Variants in ENTPD1 observed in about 807,000 individuals in gnomAD.
ENTPD1 encodes ATP diphosphohydrolase.
A neutral mutation model predicts 57.0 loss-of-function variants in ENTPD1; 33 were observed. That is an observed-to-expected ratio of 0.58 (90% CI 0.44 to 0.77). The LOEUF is 0.77. Among genes scored for constraint, ENTPD1 ranks in the 30% least tolerant of loss-of-function variants. The pLI is 0.00. For missense variants in ENTPD1, 501 were observed against 603.4 expected, an observed-to-expected ratio of 0.83 and a Z score of 1.78; for synonymous variants, 202 against 218.8, an observed-to-expected ratio of 0.92 and a Z score of 0.68.
At chr10:95,803,189 G>C (rs944313185) in intron 1 of ENTPD1, among the ~76,000 whole-genome samples, 1 of 152,162 alleles carries the variant, frequency 6.6e-6, no homozygotes, top group Non-Finnish European at 1.5e-5. Flanking sequence ...CTGTCCATGA[G>C]CATGGAATGT....
intron 3 of ENTPD1, among the ~76,000 whole-genome samples, chr10:95,840,729 A>AC (rs1458088801): frequency 6.6e-6 from 1 of 152,168 alleles, no homozygotes; most frequent in East Asian, 1.9e-4. Flanking sequence ...AGTGGTTGAC[A>AC]TTCAGCTTTC....
At chr10:95,866,153 A>G in intron 9 of ENTPD1, 24 bp from the exon 10 acceptor site, 1 of 1,606,728 alleles carries the variant, frequency 6.2e-7, no homozygotes, top group Non-Finnish European at 8.5e-7. Flanking sequence ...CCAACCACAA[A>G]CAGACTTTCC....
intron 1 of ENTPD1, among the ~76,000 whole-genome samples, chr10:95,801,382 A>T (rs2098248853): frequency 6.6e-6 from 1 of 151,906 alleles, no homozygotes; most frequent in Non-Finnish European, 1.5e-5. Flanking sequence ...TGTATATGGT[A>T]TAAGGAAGGA....
Position 95,868,638 on chromosome 10 carries a change from A to G in ENTPD1, c.*2255A>G, listed in dbSNP as rs946962176. On this transcript the variant is annotated 3_prime_UTR_variant, in exon 10 of 10. Transcript: ENST00000371205. ...CACAACAACCCATAAGGGTGTAAAT[A>G]GTATTTCCATTTTACAAATGAGGAT... The G allele has an allele frequency of 1.0e-6, 1 of 981,112 alleles. No homozygotes were observed. Among genetic ancestry groups the G allele is most frequent in the African/African-American group, 1.8e-5 (1 of 57,134 alleles). 60.8% of individuals were successfully genotyped at this position (981,112 alleles called of 1,614,324 possible). A position where few individuals can be genotyped will look rare whatever the true frequency, so the allele number is the denominator to read the frequency against.
chr10:95,860,123 T>A (rs2098462856), intron 7 of ENTPD1, among the ~76,000 whole-genome samples: 1 of 152,222 alleles, frequency 6.6e-6, no homozygotes, highest in African/African-American at 2.4e-5. Flanking sequence ...TCCAGTTGTT[T>A]ATATTTATTA....
chr10:95,847,856 T>A, intron 7 of ENTPD1, 150 bp downstream of exon 7: 2 of 1,142,636 alleles, frequency 1.8e-6, no homozygotes, highest in Non-Finnish European at 2.5e-6. Flanking sequence ...CTCAACTATG[T>A]CAGAACTTGG....
At chr10:95,864,608 T>G in intron 8 of ENTPD1, 116 bp from the exon 9 acceptor site, 1 of 1,424,462 alleles carries the variant, frequency 7.0e-7, no homozygotes, top group South Asian at 1.2e-5. Context: ...AGGCCAACCT[T>G]CAGGTGCACT....
At chr10:95,755,757 G>A (rs1339862162), upstream of ENTPD1, 3 of 1,536,942 alleles carry the variant, frequency 2.0e-6, no homozygotes, top group African/African-American at 2.7e-5. Context: ...TTTTTCGAGC[G>A]GGTTTCAAGG....
upstream of ENTPD1, among the ~76,000 whole-genome samples, chr10:95,710,857 T>G (rs2097965014): frequency 6.6e-6 from 1 of 152,140 alleles, no homozygotes; most frequent in South Asian, 2.1e-4. Flanking sequence ...CTCTCTTCTC[T>G]CAAATAAACA....
chr10:95,870,288 A>G lies in ENTPD1; in HGVS notation c.*3905A>G, dbSNP rs1216933697. The G allele has an allele frequency of 1.0e-6, 1 of 984,132 alleles. No homozygotes were observed. Among genetic ancestry groups the G allele is most frequent in the African/African-American group, 1.7e-5 (1 of 57,212 alleles). 61.0% of individuals were successfully genotyped at this position (984,132 alleles called of 1,614,324 possible). On this transcript the variant is annotated 3_prime_UTR_variant, in exon 10 of 10. Transcript: ENST00000371205. ...AATGTAAATTTGAATATTAAAATAAAGATGATTTTTTTTTTGGAGCTAGTC... is the reference window on the plus strand; with the variant it reads ...AATGTAAATTTGAATATTAAAATAAGGATGATTTTTTTTTTGGAGCTAGTC...
rs2098479223 is a variant in ENTPD1 at position 95,870,494 on chromosome 10, G to T, written c.*4111G>T. Reference sequence around the variant, plus strand: ...GGGTTTTCCTATGTTGTCCAGGCTGGTCTCGAACTCCTGCCCTCAAGCAAT... The same window carrying T: ...GGGTTTTCCTATGTTGTCCAGGCTGTTCTCGAACTCCTGCCCTCAAGCAAT... On this transcript the variant is annotated 3_prime_UTR_variant, in exon 10 of 10. Transcript: ENST00000371205. 1.1e-6 allele frequency: 1 copy of T among 885,762 alleles called. No homozygotes were observed. Among genetic ancestry groups the T allele is most frequent in the African/African-American group, 1.8e-5 (1 of 55,118 alleles). 54.9% of individuals were successfully genotyped at this position (885,762 alleles called of 1,614,324 possible).
upstream of ENTPD1, among the ~76,000 whole-genome samples, chr10:95,707,767 G>C (rs2097963108): frequency 6.6e-6 from 1 of 152,094 alleles, no homozygotes; most frequent in Non-Finnish European, 1.5e-5. Flanking sequence ...ACTATGCCCA[G>C]CTAATTATTG....
intron 1 of ENTPD1, among the ~76,000 whole-genome samples, chr10:95,800,368 A>C (rs1225875346): frequency 2.0e-5 from 3 of 152,118 alleles, no homozygotes; most frequent in Admixed American, 6.6e-5. Flanking sequence ...TGCTTCAAAG[A>C]GCAATAAAGG....
Position 95,872,313 on chromosome 10 carries a change from A to G in ENTPD1, c.*5930A>G. On this transcript the variant is annotated 3_prime_UTR_variant, in exon 10 of 10. Coordinates refer to ENST00000371205, the MANE Select transcript of ENTPD1 (RefSeq NM_001776.6). Reference sequence around the variant, plus strand: ...CCCCATCAGACATTCAAGGCTTTCAATGATCCATGGCCGCCAGCTCTCTCC... The same window carrying G: ...CCCCATCAGACATTCAAGGCTTTCAGTGATCCATGGCCGCCAGCTCTCTCC... 2 of 985,384 alleles carry G rather than the reference A, an allele frequency of 2.0e-6. No homozygotes were observed. Among genetic ancestry groups the G allele is most frequent in the Non-Finnish European group, 2.4e-6 (2 of 829,938 alleles). The allele number at this position is 985,384 out of a possible 1,614,324, so 61.0% of individuals were successfully genotyped here. A position where few individuals can be genotyped will look rare whatever the true frequency, so the allele number is the denominator to read the frequency against.
intron 1 of ENTPD1, among the ~76,000 whole-genome samples, chr10:95,724,342 G>T (rs1028997777): frequency 6.6e-6 from 1 of 152,110 alleles, no homozygotes; most frequent in African/African-American, 2.4e-5. Context: ...CACTTTGGAT[G>T]TCCCTTCGTG....
chr10:95,789,169 G>A (rs72813796), intron 1 of ENTPD1, among the ~76,000 whole-genome samples: 2 of 152,220 alleles, frequency 1.3e-5, no homozygotes, highest in Non-Finnish European at 2.9e-5. Flanking sequence ...ACACAATTAA[G>A]AAGTAATTGA....
rs557848553 is a variant in ENTPD1 at position 95,868,958 on chromosome 10, T to C, written c.*2575T>C. On this transcript the variant is annotated 3_prime_UTR_variant, in exon 10 of 10. Transcript: ENST00000371205. ...AGCAGACACAACCTAACCCCAATTA[T>C]TTTGGCAGGAAGGTTGGTTTAGAGG... is the stretch of plus-strand genomic sequence containing the variant. The C allele has an allele frequency of 1.8e-4, 178 of 985,316 alleles. No individual in the cohort carries two copies. In the African/African-American group the frequency reaches 2.7e-3, roughly 15 times the overall value. The allele number at this position is 985,316 out of a possible 1,614,324, so 61.0% of individuals were successfully genotyped here.
intron 1 of ENTPD1, among the ~76,000 whole-genome samples, chr10:95,768,741 G>A (rs769335241): frequency 1.3e-5 from 2 of 152,020 alleles, no homozygotes; most frequent in Non-Finnish European, 1.5e-5. Flanking sequence ...AAAAACAAAC[G>A]ATTTCCATCT....
At chr10:95,857,495 C>T (rs2098457167) in intron 7 of ENTPD1, among the ~76,000 whole-genome samples, 1 of 152,048 alleles carries the variant, frequency 6.6e-6, no homozygotes, top group Non-Finnish European at 1.5e-5. Flanking sequence ...AAAAACTGTA[C>T]AAAAAGCTTA....
Sources: allele counts gnomAD v4.1 joint callset (sites outside exome capture counted in the v4.1 genomes callset), GRCh38; gene constraint gnomAD v4.1.1; transcripts MANE v1.5; gene names NCBI Gene and HGNC (gene_info 2026-07-23, HGNC 2026-07-21).